NEFL: variants seen among roughly 807,000 people sequenced by gnomAD.
NEFL encodes neurofilament light polypeptide.
NEFL carries 36 observed loss-of-function variants against 51.6 expected under a neutral mutation model. The observed-to-expected ratio is 0.70, with a 90% CI of 0.53 to 0.92. The LOEUF (loss-of-function observed/expected upper bound fraction) is 0.92. Among genes scored for constraint, NEFL ranks in the 40% least tolerant of loss-of-function variants. The pLI, the probability that NEFL is intolerant of heterozygous loss-of-function variation, is 0.00. For synonymous variants in NEFL, 332 were observed against 302.5 expected (o/e 1.10, Z -1.01); for missense variants, 671 against 722.0 (o/e 0.93, Z 0.81).
Position 24,951,325 on chromosome 8 carries a change from T to A in NEFL, c.*1485A>T, listed in dbSNP as rs890723018. On this transcript the variant is annotated 3_prime_UTR_variant, in exon 4 of 4. Transcript: ENST00000610854. ...ACTTTAAATGGAGACCACTTTGGTT[T>A]CAGGTTAAATTAATAACTTATAGAG... is the stretch of plus-strand genomic sequence containing the variant. 1.3e-5 allele frequency: 2 copies of A among 152,202 alleles called. No individual in the cohort carries two copies. Among genetic ancestry groups the A allele is most frequent in the African/African-American group, 4.8e-5 (2 of 41,440 alleles). 9.4% of individuals were successfully genotyped at this position (152,202 alleles called of 1,614,324 possible).
chr8:24,952,992 G>A, intron 3 of NEFL, 40 bp from the exon 4 acceptor site: 1 of 1,569,968 alleles, frequency 6.4e-7, no homozygotes, highest in Non-Finnish European at 8.6e-7. Context: ...GCAAATCCAG[G>A]GTAAGTCCAG....
chr8:24,950,986 C>G lies in NEFL; in HGVS notation c.*1824G>C, dbSNP rs1301101227. ...TTTTTTACTATTTTATTATGGCACA[C>G]AGGATAGAGGATGGTACAGTTTTCT... is the stretch of plus-strand genomic sequence containing the variant. On this transcript the variant is annotated 3_prime_UTR_variant, in exon 4 of 4. Transcript: ENST00000610854. The G allele has an allele frequency of 6.6e-6, 1 of 152,626 alleles. No individual in the cohort carries two copies. Among genetic ancestry groups the G allele is most frequent in the African/African-American group, 2.4e-5 (1 of 41,444 alleles). 9.5% of individuals were successfully genotyped at this position (152,626 alleles called of 1,614,324 possible). A position where few individuals can be genotyped will look rare whatever the true frequency, so the allele number is the denominator to read the frequency against.
Position 24,956,003 on chromosome 8 carries a change from C to T in NEFL, c.513G>A (p.Leu171=), listed in dbSNP as rs1473068638. The change falls in exon 1 of 4, where the codon CTG becomes CTA. Residue 171 remains leucine, a synonymous_variant. Transcript: ENST00000610854. The surrounding 1 kb of genome is among the most constrained non-coding windows in gnomAD (Gnocchi z 5.9). ...QGEREGLEET[L]RNLQARYEEE... ...CTTCATAGCGCGCCTGCAGGTTGCGCAGGGTCTCCTCCAGCCCTTCGCGCT... is the reference window on the plus strand; with the variant it reads ...CTTCATAGCGCGCCTGCAGGTTGCGTAGGGTCTCCTCCAGCCCTTCGCGCT... The T allele has an allele frequency of 6.2e-7, 1 of 1,604,404 alleles. No individual in the cohort carries two copies. Among genetic ancestry groups the T allele is most frequent in the Admixed American group, 1.7e-5 (1 of 59,906 alleles).
rs377758736 is a variant in NEFL at position 24,952,910 on chromosome 8, C to T, written c.1532G>A (p.Gly511Glu). 4 of 1,601,534 alleles carry T rather than the reference C, an allele frequency of 2.5e-6. No homozygotes were observed. The highest frequency in any genetic ancestry group is 1.7e-5 in the Admixed American group (1 of 59,950). Residue 511 changes from glycine to glutamate, a missense_variant, in exon 4 of 4, where the codon GGA becomes GAA. Physicochemically the swap from Gly to Glu is moderately conservative, Grantham distance 98. Transcript: ENST00000610854. ...TTCCTCTCCTTCTTCACCTTCACCT[C>T]CTTCTTCTTCTTCTTTTGCTTCTTC... ...ESEEAKEEEE[G>E]GEGEEGEETK...
In NEFL at chr8:24,953,757, G is replaced by C. The variant is rs769419525; in HGVS notation, c.1208C>G (p.Thr403Ser). ...LEGEETRLSF[T>S]SVGSITSGYS... Reference sequence around the variant, plus strand: ...GCCACTGGTTATGCTTCCCACGCTGGTGAAACTGAGTCGGGTCTCCTCGCC... The same window carrying C: ...GCCACTGGTTATGCTTCCCACGCTGCTGAAACTGAGTCGGGTCTCCTCGCC... Residue 403 changes from threonine to serine, a missense_variant, in exon 3 of 4, where the codon ACC becomes AGC. Transcript: ENST00000610854. The C allele has an allele frequency of 1.2e-6, 2 of 1,613,460 alleles. No individual in the cohort carries two copies. The highest frequency in any genetic ancestry group is 8.5e-7 in the Non-Finnish European group (1 of 1,179,490).
At chr8:24,953,026 T>A in intron 3 of NEFL, 74 bp from the exon 4 acceptor site, 1 of 1,493,996 alleles carries the variant, frequency 6.7e-7, no homozygotes. Flanking sequence ...GCAAAGGTTT[T>A]ATTTGCAAAC....
Position 24,955,954 on chromosome 8 carries a change from C to T in NEFL, c.562G>A (p.Ala188Thr). Reference protein sequence around the residue: ...YEEEVLSREDAEGRLMEARKG... With the variant: ...YEEEVLSREDTEGRLMEARKG... ...CGCGCTTCCATCAGCCGGCCCTCGGCGTCCTCGCGGCTCAGCACCTCCTCT... is the reference window on the plus strand; with the variant it reads ...CGCGCTTCCATCAGCCGGCCCTCGGTGTCCTCGCGGCTCAGCACCTCCTCT... The change falls in exon 1 of 4, where the codon GCC (alanine) becomes ACC (threonine). Residue 188 changes from alanine to threonine, a missense_variant. Transcript: ENST00000610854. This position sits in a 1 kb window ranked among gnomAD's most constrained non-coding sequence, Gnocchi z 4.0. 6.2e-7 allele frequency: 1 copy of T among 1,602,806 alleles called. No individual in the cohort carries two copies. The highest frequency in any genetic ancestry group is 8.5e-7 in the Non-Finnish European group (1 of 1,179,174).
rs373569840 is a variant in NEFL, at chr8:24,955,761, G to A, written c.755C>T (p.Pro252Leu). 48 of 1,613,310 alleles carry A rather than the reference G, an allele frequency of 3.0e-5. No individual in the cohort carries two copies. Among genetic ancestry groups the A allele is most frequent in the Non-Finnish European group, 4.0e-5 (47 of 1,179,876 alleles). ...GTCCTTGAGCGCGGCGGAAAGGTCG[G>A]GCTTGGTCACGTCCATCTCCACGGA... is the stretch of plus-strand genomic sequence containing the variant. ...QISVEMDVTK[P>L]DLSAALKDIR... Residue 252 changes from proline to leucine, a missense_variant, in exon 1 of 4, where the codon CCC (proline) becomes CTC (leucine). Transcript: ENST00000610854. The surrounding 1 kb of genome is among the most constrained non-coding windows in gnomAD (Gnocchi z 4.0).
chr8:24,952,805 G>A lies in NEFL; in HGVS notation c.*5C>T. On this transcript the variant is annotated 3_prime_UTR_variant, in exon 4 of 4. Coordinates refer to ENST00000610854, the MANE Select transcript of NEFL (RefSeq NM_006158.5). ...TATTCCTGAAATAATTAAGGAAATG[G>A]GGGTTCAATCTTTCTTCTTAGCTGC... is the stretch of plus-strand genomic sequence containing the variant. 1 of 1,613,836 alleles carries A rather than the reference G, an allele frequency of 6.2e-7. No individual in the cohort carries two copies.
In NEFL at chr8:24,956,591, G is replaced by T; in HGVS notation, c.-76C>A. 7.2e-7 allele frequency: 1 copy of T among 1,388,726 alleles called. No individual in the cohort carries two copies. The highest frequency in any genetic ancestry group is 1.0e-6 in the Non-Finnish European group (1 of 1,001,038). 86.0% of individuals were successfully genotyped at this position (1,388,726 alleles called of 1,614,324 possible). A position where few individuals can be genotyped will look rare whatever the true frequency, so the allele number is the denominator to read the frequency against. On this transcript the variant is annotated 5_prime_UTR_variant, in exon 1 of 4. Coordinates refer to ENST00000610854, the MANE Select transcript of NEFL (RefSeq NM_006158.5). The surrounding 1 kb of genome is among the most constrained non-coding windows in gnomAD (Gnocchi z 5.9). ...GAGAGGACAGGGGAGAGAGGGAAGG[G>T]GGAGGATGGATGGCTGTGTGCGGCT...
Position 24,956,076 on chromosome 8 carries a change from C to A in NEFL, c.440G>T (p.Arg147Leu). The A allele has an allele frequency of 6.2e-7, 1 of 1,604,056 alleles. No homozygotes were observed. Among genetic ancestry groups the A allele is most frequent in the Admixed American group, 1.7e-5 (1 of 59,540 alleles). ...ALYEQEIRDL[R>L]LAAEDATNEK... The stretch of plus-strand genomic sequence containing the variant: ...GTTGGTGGCATCTTCCGCCGCCAGG[C>A]GCAGGTCGCGGATCTCCTGCTCGTA... The change falls in exon 1 of 4, where the codon CGC becomes CTC. Residue 147 changes from arginine (R) to leucine (L), a missense_variant. Arg to Leu is a moderately radical substitution (Grantham distance 102, BLOSUM62 -2). Coordinates refer to ENST00000610854, the MANE Select transcript of NEFL (RefSeq NM_006158.5). This position sits in a 1 kb window ranked among gnomAD's most constrained non-coding sequence, Gnocchi z 5.9.
In NEFL at chr8:24,952,962, A is replaced by C; in HGVS notation, c.1490-10T>G. ...GACTCTTCCTTGGCAGCTTTAACAT[A>C]AAAAGAAAATGTACAAAATGCAAAT... is the stretch of plus-strand genomic sequence containing the variant. On this transcript the variant is annotated splice_polypyrimidine_tract_variant and intron_variant, in intron 3 of 3. Coordinates refer to ENST00000610854, the MANE Select transcript of NEFL (RefSeq NM_006158.5). 1.2e-6 allele frequency: 2 copies of C among 1,603,718 alleles called. No individual in the cohort carries two copies. The highest frequency in any genetic ancestry group is 1.7e-6 in the Non-Finnish European group (2 of 1,175,868).
rs1306664886 is a variant in NEFL, at chr8:24,953,565, T to C, written c.1400A>G (p.Lys467Arg). The change falls in exon 3 of 4, where the codon AAG becomes AGG. Residue 467 changes from lysine (K) to arginine (R), a missense_variant. By Grantham distance (26) the Lys-to-Arg change is conservative (BLOSUM62 2). Coordinates refer to ENST00000610854, the MANE Select transcript of NEFL (RefSeq NM_006158.5). The part of the protein sequence containing the change: ...TIEAAKAEEA[K>R]DEPPSEGEAE... The stretch of plus-strand genomic sequence containing the variant: ...TTCTCCTTCAGAGGGGGGCTCATCC[T>C]TGGCTTCCTCAGCCTTGGCAGCCTC... 1 of 1,613,994 alleles carries C rather than the reference T, an allele frequency of 6.2e-7. No individual in the cohort carries two copies. Among genetic ancestry groups the C allele is most frequent in the African/African-American group, 1.3e-5 (1 of 75,054 alleles).
In NEFL at chr8:24,956,167, C is replaced by T; in HGVS notation, c.349G>A (p.Val117Ile). 6.2e-7 allele frequency: 1 copy of T among 1,610,270 alleles called. No individual in the cohort carries two copies. ...AGCACCAGCAGCTCGGCTTCCAGGA[C>T]CTTGTTCTGCTGCTCCAGCTCGTGC... ...RVHELEQQNK[V>I]LEAELLVLRQ... The change falls in exon 1 of 4, where the codon GTC becomes ATC. Residue 117 changes from valine to isoleucine, a missense_variant. Coordinates refer to ENST00000610854, the MANE Select transcript of NEFL (RefSeq NM_006158.5). The surrounding 1 kb of genome is among the most constrained non-coding windows in gnomAD (Gnocchi z 5.9).
In NEFL at chr8:24,953,625, A is replaced by G. The variant is rs1045761358; in HGVS notation, c.1340T>C (p.Val447Ala). ...RSFPSYYTSH[V>A]QEEQIEVEET... ...CTCCACTTCGATCTGCTCCTCTTGG[A>G]CATGGCTGGTGTAGTAGGACGGGAA... Residue 447 changes from valine (V) to alanine (A), a missense_variant, in exon 3 of 4, where the codon GTC becomes GCC. Physicochemically the swap from Val to Ala is moderately conservative, Grantham distance 64. Transcript: ENST00000610854. 20 of 1,613,834 alleles carry G rather than the reference A, an allele frequency of 1.2e-5. No homozygotes were observed. In the Admixed American group the frequency reaches 2.2e-4, roughly 17 times the overall value.
In NEFL at chr8:24,955,762, G is replaced by C. The variant is rs1245252096; in HGVS notation, c.754C>G (p.Pro252Ala). 6.2e-7 allele frequency: 1 copy of C among 1,613,350 alleles called. No homozygotes were observed. The highest frequency in any genetic ancestry group is 1.3e-5 in the African/African-American group (1 of 75,064). The change falls in exon 1 of 4, where the codon CCC (proline) becomes GCC (alanine). Residue 252 changes from proline (P) to alanine (A), a missense_variant. Coordinates refer to ENST00000610854, the MANE Select transcript of NEFL (RefSeq NM_006158.5). The surrounding 1 kb of genome is among the most constrained non-coding windows in gnomAD (Gnocchi z 4.0). ...QISVEMDVTKPDLSAALKDIR... is the reference protein window; with the variant it reads ...QISVEMDVTKADLSAALKDIR... ...TCCTTGAGCGCGGCGGAAAGGTCGG[G>C]CTTGGTCACGTCCATCTCCACGGAG...
chr8:24,954,023 T>C (rs1041957414), intron 2 of NEFL, among the ~76,000 whole-genome samples, 158 bp downstream of exon 2: 6 of 152,218 alleles, frequency 3.9e-5, no homozygotes, highest in Admixed American at 6.5e-5. Context: ...TAAATTCTTA[T>C]ATATCTAAAT....
rs1399735385 is a variant in NEFL at position 24,952,048 on chromosome 8, C to A, written c.*762G>T. 2 of 152,398 alleles carry A rather than the reference C, an allele frequency of 1.3e-5. No individual in the cohort carries two copies. Among genetic ancestry groups the A allele is most frequent in the Admixed American group, 6.6e-5 (1 of 15,264 alleles). The allele number at this position is 152,398 out of a possible 1,614,324, so 9.4% of individuals were successfully genotyped here. ...GACCTGTTTACCATAAAGAGTGTAT[C>A]TGTCAAGTAATTTCAGAATTGCTCC... On this transcript the variant is annotated 3_prime_UTR_variant, in exon 4 of 4. Coordinates refer to ENST00000610854, the MANE Select transcript of NEFL (RefSeq NM_006158.5).
Position 24,956,145 on chromosome 8 carries a change from A to G in NEFL, c.371T>C (p.Val124Ala), listed in dbSNP as rs1253375114. The change falls in exon 1 of 4, where the codon GTG becomes GCG. Residue 124 changes from valine to alanine, a missense_variant. Coordinates refer to ENST00000610854, the MANE Select transcript of NEFL (RefSeq NM_006158.5). The surrounding 1 kb of genome is among the most constrained non-coding windows in gnomAD (Gnocchi z 5.9). ...TGGCTCGGAGTGCTTCTGGCGCAGCACCAGCAGCTCGGCTTCCAGGACCTT... is the reference window on the plus strand; with the variant it reads ...TGGCTCGGAGTGCTTCTGGCGCAGCGCCAGCAGCTCGGCTTCCAGGACCTT... Reference protein sequence around the residue: ...QNKVLEAELLVLRQKHSEPSR... With the variant: ...QNKVLEAELLALRQKHSEPSR... 1 of 1,609,572 alleles carries G rather than the reference A, an allele frequency of 6.2e-7. No individual in the cohort carries two copies. Among genetic ancestry groups the G allele is most frequent in the Non-Finnish European group, 8.5e-7 (1 of 1,178,838 alleles).
Sources: gnomAD v4.1 joint callset for allele counts (sites outside exome capture counted in the v4.1 genomes callset) on GRCh38, gnomAD v4.1.1 for gene constraint, Gnocchi (gnomAD v3.1) non-coding constraint, MANE v1.5 for transcripts, NCBI Gene and HGNC (gene_info 2026-07-23, HGNC 2026-07-21) for gene names.